Variants in SVOP observed in about 807,000 individuals in gnomAD.
SVOP encodes the protein synaptic vesicle 2-related protein.
In SVOP, 17 loss-of-function variants were observed where a neutral mutation model predicts 69.1. The ratio of observed to expected loss-of-function variants is 0.25; its 90% CI spans 0.17 to 0.37. The LOEUF (loss-of-function observed/expected upper bound fraction) is 0.37, where lower values mean the gene tolerates loss of function less well. Ranked by LOEUF, SVOP falls within the 10% of genes least tolerant of loss-of-function variation. SVOP has a pLI of 1.00. For missense variants in SVOP, 435 were observed against 597.5 expected, an observed-to-expected ratio of 0.73 and a Z score of 2.84; for synonymous variants, 238 against 238.6, an observed-to-expected ratio of 1.00 and a Z score of 0.02.
At chr12:108,977,526 C>A in intron 3 of SVOP, 30 bp from the exon 4 acceptor site, 1 of 1,460,704 alleles carries the variant, frequency 6.8e-7, no homozygotes, top group Non-Finnish European at 9.3e-7. Flanking sequence ...ATCATGAGGC[C>A]AGGATGCTGC....
At chr12:108,928,631 A>G (rs1320825285) in intron 11 of SVOP, among the ~76,000 whole-genome samples, 1 of 151,466 alleles carries the variant, frequency 6.6e-6, no homozygotes, top group Non-Finnish European at 1.5e-5. Context: ...CAGTGGTACA[A>G]TCTCGTCTCA....
At chr12:108,920,384 T>G (rs1372445498) in intron 12 of SVOP, among the ~76,000 whole-genome samples, 1 of 152,162 alleles carries the variant, frequency 6.6e-6, no homozygotes, top group East Asian at 1.9e-4. Flanking sequence ...ATTCACTGAA[T>G]CCAGGGAACA....
At chr12:108,991,966 C>G (rs1190047874) in intron 1 of SVOP, among the ~76,000 whole-genome samples, 1 of 151,892 alleles carries the variant, frequency 6.6e-6, no homozygotes, top group Non-Finnish European at 1.5e-5. Flanking sequence ...AGAAATAAAC[C>G]AAAGTAGGTA....
intron 6 of SVOP, among the ~76,000 whole-genome samples, chr12:108,946,880 G>A (rs1436352237): frequency 6.6e-6 from 1 of 151,850 alleles, no homozygotes; most frequent in African/African-American, 2.4e-5. Flanking sequence ...CACCATGCCT[G>A]GTTAATTTTT....
chr12:108,951,710 CTA>C (rs1200877469), intron 6 of SVOP, among the ~76,000 whole-genome samples: 1 of 152,212 alleles, frequency 6.6e-6, no homozygotes, highest in East Asian at 1.9e-4. Flanking sequence ...GACCTTCTGA[CTA>C]TATATGCCTG....
In SVOP at chr12:108,926,885, G is replaced by A. The variant is rs59166125; in HGVS notation, c.1049-4088C>T. On this transcript the variant is annotated intron_variant, in intron 11 of 15. Transcript: ENST00000610966. ...ATTTCTGCATGTTTTGAGTAGATGC[G>A]CTGACTACCTTTGTTCTGGACTATA... Among the ~76,000 whole-genome samples the A allele has an allele frequency of 8.9e-3, 1,355 of 152,260 alleles. 20 individuals are homozygous for A. Among genetic ancestry groups the A allele is most frequent in the African/African-American group, 0.031 (1,277 of 41,532 alleles).
chr12:108,986,478 T>C (rs1400299682), intron 1 of SVOP, among the ~76,000 whole-genome samples: 1 of 152,232 alleles, frequency 6.6e-6, no homozygotes, highest in Non-Finnish European at 1.5e-5. Context: ...GAGAGAAATA[T>C]CTTTGTTTCT....
intron 6 of SVOP, among the ~76,000 whole-genome samples, chr12:108,951,670 GA>G (rs572068713): frequency 1.3e-3 from 204 of 152,288 alleles, no homozygotes; most frequent in African/African-American, 4.7e-3. Flanking sequence ...GTCAGTACCA[GA>G]AACGCCGTGG....
chr12:108,958,418 C>T (rs999653486), intron 6 of SVOP, among the ~76,000 whole-genome samples: 2 of 151,922 alleles, frequency 1.3e-5, no homozygotes, highest in Admixed American at 6.6e-5. Flanking sequence ...AGCACAGCTA[C>T]ATGCTGTACG....
intron 4 of SVOP, among the ~76,000 whole-genome samples, chr12:108,974,132 T>C (rs867097597): frequency 3.3e-5 from 5 of 152,232 alleles, no homozygotes; most frequent in African/African-American, 1.2e-4. Flanking sequence ...CTCAAAACTT[T>C]TTTTTATGTG....
At chr12:108,914,359 C>T (rs189539161) in intron 15 of SVOP, among the ~76,000 whole-genome samples, 210 of 152,134 alleles carry the variant, frequency 1.4e-3, no homozygotes, top group Non-Finnish European at 2.4e-3. Context: ...TGTTATGTGA[C>T]GTTTACCTCA....
At chr12:108,920,221 C>T (rs976106615) in intron 12 of SVOP, among the ~76,000 whole-genome samples, 9 of 152,198 alleles carry the variant, frequency 5.9e-5, no homozygotes, top group Non-Finnish European at 1.3e-4. Flanking sequence ...TGATTGCAGC[C>T]ACATGAAATA....
At chr12:109,018,482 T>C (rs1264175430) in intron 1 of SVOP, among the ~76,000 whole-genome samples, 2 of 152,178 alleles carry the variant, frequency 1.3e-5, no homozygotes, top group Non-Finnish European at 2.9e-5. Context: ...ACTGAGCCTA[T>C]TCCAAAGTCC....
intron 8 of SVOP, among the ~76,000 whole-genome samples, 191 bp from the exon 9 acceptor site, chr12:108,939,146 T>G (rs535465775): frequency 2.6e-5 from 4 of 152,220 alleles, no homozygotes; most frequent in Non-Finnish European, 4.4e-5. Context: ...TTGACTTCTC[T>G]GTGCTTTCAT....
intron 1 of SVOP, among the ~76,000 whole-genome samples, chr12:108,998,021 G>A (rs2040246695): frequency 6.7e-6 from 1 of 149,468 alleles, no homozygotes; most frequent in African/African-American, 2.5e-5. Flanking sequence ...CTGAGCTACG[G>A]GAGGACATTC....
chr12:108,937,227 T>G, intron 10 of SVOP, 37 bp downstream of exon 10: 1 of 1,607,944 alleles, frequency 6.2e-7, no homozygotes. Flanking sequence ...GCACAGGGAG[T>G]GGAAAGGGGT....
chr12:108,911,781 C>G lies in SVOP; in HGVS notation c.*754G>C, dbSNP rs1480908664. The G allele has an allele frequency of 6.6e-6, 1 of 152,242 alleles. No homozygotes were observed. The highest frequency in any genetic ancestry group is 2.4e-5 in the African/African-American group (1 of 41,438). The allele number at this position is 152,242 out of a possible 1,614,324, so 9.4% of individuals were successfully genotyped here. On this transcript the variant is annotated 3_prime_UTR_variant, in exon 16 of 16. Transcript: ENST00000610966. ...GCCTTCGCTGCTTCAGAAGGGGAGG[C>G]CCGTGCTCTGACTTCAGCTTGATTC...
At chr12:108,966,302 C>G (rs2137426308) in intron 5 of SVOP, among the ~76,000 whole-genome samples, 1 of 152,326 alleles carries the variant, frequency 6.6e-6, no homozygotes, top group East Asian at 1.9e-4. Flanking sequence ...TGATATAAAC[C>G]TGGATGCGTT....
intron 2 of SVOP, among the ~76,000 whole-genome samples, chr12:108,983,191 C>T (rs1185141099): frequency 2.6e-5 from 4 of 151,688 alleles, no homozygotes; most frequent in Admixed American, 6.6e-5. Context: ...TCTTTATCAT[C>T]ACAGTCTTCA....
Sources: gnomAD v4.1 joint callset for allele counts (sites outside exome capture counted in the v4.1 genomes callset) on GRCh38, gnomAD v4.1.1 for gene constraint, MANE v1.5 for transcripts, NCBI Gene and HGNC (gene_info 2026-07-23, HGNC 2026-07-21) for gene names.